CFI: variants seen among roughly 807,000 people sequenced by gnomAD.
The protein encoded by CFI is complement factor I.
CFI carries 66 observed loss-of-function variants against 78.8 expected under a neutral mutation model. The observed-to-expected ratio is 0.84, with a 90% confidence interval of 0.69 to 1.03. The LOEUF (loss-of-function observed/expected upper bound fraction) is 1.03. CFI is among the 50% of genes least tolerant of loss of function. The pLI is 0.00. For missense variants in CFI, 706 were observed against 704.5 expected (o/e 1.00, Z -0.02); for synonymous variants, 250 against 232.6 (o/e 1.07, Z -0.68).
chr4:109,759,856 A>G (rs1373602053), intron 6 of CFI, among the ~76,000 whole-genome samples: 1 of 152,152 alleles, frequency 6.6e-6, no homozygotes, highest in African/African-American at 2.4e-5. Context: ...ATTGTGCCAC[A>G]GCACTCCAGC....
intron 1 of CFI, among the ~76,000 whole-genome samples, chr4:109,778,869 A>T (rs1248449446): frequency 6.6e-6 from 1 of 152,246 alleles, no homozygotes; most frequent in African/African-American, 2.4e-5. Flanking sequence ...AAACAGAACC[A>T]AAGACAAAAA....
intron 1 of CFI, among the ~76,000 whole-genome samples, chr4:109,792,790 C>A (rs1579314767): frequency 6.6e-6 from 1 of 152,048 alleles, no homozygotes; most frequent in Non-Finnish European, 1.5e-5. Context: ...TTAGTATAGC[C>A]ACTTTAGCTC....
At chr4:109,761,442 T>C in intron 4 of CFI, 75 bp downstream of exon 4, 1 of 1,412,794 alleles carries the variant, frequency 7.1e-7, no homozygotes, top group East Asian at 2.3e-5. Context: ...GCATCAATCA[T>C]TTGTTTACTA....
rs746081841 is a variant in CFI, at chr4:109,746,401, A to G, written c.1250T>C (p.Phe417Ser). The G allele has an allele frequency of 6.2e-7, 1 of 1,614,136 alleles. No homozygotes were observed. The highest frequency in any genetic ancestry group is 1.1e-5 in the South Asian group (1 of 91,082). ...IVIEYVDRIIFHENYNAGTYQ... is the reference protein window; with the variant it reads ...IVIEYVDRIISHENYNAGTYQ... Reference sequence around the variant, plus strand: ...AGTGCCTGCATTGTAGTTTTCATGGAAAATAATTCTATCCACGTATTCAAT... The same window carrying G: ...AGTGCCTGCATTGTAGTTTTCATGGGAAATAATTCTATCCACGTATTCAAT... The change falls in exon 11 of 13, where the codon TTC becomes TCC. Residue 417 changes from phenylalanine to serine, a missense_variant. Phe to Ser is a radical substitution (Grantham distance 155). Coordinates refer to ENST00000394634, the MANE Select transcript of CFI (RefSeq NM_000204.5).
chr4:109,778,346 T>C (rs1729552748), intron 1 of CFI, among the ~76,000 whole-genome samples: 1 of 152,152 alleles, frequency 6.6e-6, no homozygotes, highest in Non-Finnish European at 1.5e-5. Context: ...GAGAATACTA[T>C]AAACACCTCT....
chr4:109,772,581 G>GT (rs35970339), intron 1 of CFI, among the ~76,000 whole-genome samples: 49,321 of 146,238 alleles, frequency 0.34, 8,406 homozygotes, highest in Middle Eastern at 0.43. Flanking sequence ...GAATTTGATC[G>GT]TTTTTTTTTT....
intron 1 of CFI, among the ~76,000 whole-genome samples, chr4:109,780,153 A>G (rs1189141432): frequency 6.6e-6 from 1 of 152,150 alleles, no homozygotes; most frequent in Non-Finnish European, 1.5e-5. Context: ...AATGGGATCT[A>G]ATTAAATTAA....
At chr4:109,770,055 T>C (rs1405388085) in intron 1 of CFI, among the ~76,000 whole-genome samples, 1 of 151,900 alleles carries the variant, frequency 6.6e-6, no homozygotes, top group Admixed American at 6.6e-5. Flanking sequence ...AGGTGGGAGA[T>C]GGAAGGGAAA....
downstream of CFI, chr4:109,740,655 T>G (rs1723671797): frequency 1.9e-6 from 1 of 531,152 alleles, no homozygotes; most frequent in East Asian, 3.7e-5. Flanking sequence ...CACTCCCGCA[T>G]TGAGATAATT....
At chr4:109,774,034 A>C (rs1391963398) in intron 1 of CFI, among the ~76,000 whole-genome samples, 1 of 152,336 alleles carries the variant, frequency 6.6e-6, no homozygotes, top group East Asian at 1.9e-4. Flanking sequence ...AATATCAGAA[A>C]TTTTATTGAT....
chr4:109,752,652 T>C (rs972343186), intron 7 of CFI, 149 bp from the exon 8 acceptor site: 6 of 673,466 alleles, frequency 8.9e-6, no homozygotes, highest in African/African-American at 3.7e-5. Flanking sequence ...CCAAGGCATG[T>C]CATCTTATTT....
the CFI span, among the ~76,000 whole-genome samples, chr4:109,733,342 A>G: frequency 2.0e-5 from 3 of 152,216 alleles, no homozygotes; most frequent in Non-Finnish European, 4.4e-5. Flanking sequence ...CTGTTTGAAA[A>G]GAGCCTTCTT....
At chr4:109,739,451 C>T (rs1354783195), downstream of CFI, among the ~76,000 whole-genome samples, 1 of 151,958 alleles carries the variant, frequency 6.6e-6, no homozygotes, top group Non-Finnish European at 1.5e-5. Context: ...AAACAGAATA[C>T]ACTGGGGGAA....
At chr4:109,763,897 A>T (rs1727390218) in intron 3 of CFI, among the ~76,000 whole-genome samples, 1 of 150,900 alleles carries the variant, frequency 6.6e-6, no homozygotes, top group Non-Finnish European at 1.5e-5. Flanking sequence ...TCTAAATTAC[A>T]TATGGGGCAA....
At chr4:109,800,490 C>T (rs886168328) in intron 1 of CFI, among the ~76,000 whole-genome samples, 4 of 151,854 alleles carry the variant, frequency 2.6e-5, no homozygotes, top group African/African-American at 7.3e-5. Flanking sequence ...AACCCCCACA[C>T]CTAGTCAGCT....
At chr4:109,798,258 T>C (rs1052253128) in intron 1 of CFI, among the ~76,000 whole-genome samples, 6 of 152,176 alleles carry the variant, frequency 3.9e-5, no homozygotes, top group African/African-American at 1.4e-4. Context: ...ATAGTGCCTA[T>C]TGTTCATAAT....
chr4:109,798,945 C>G (rs1194391887), intron 1 of CFI, among the ~76,000 whole-genome samples: 3 of 152,046 alleles, frequency 2.0e-5, no homozygotes, highest in Non-Finnish European at 4.4e-5. Flanking sequence ...CTCAAAATCT[C>G]TCCCAGTCTT....
the CFI span, among the ~76,000 whole-genome samples, chr4:109,733,163 G>T: frequency 6.6e-6 from 1 of 152,024 alleles, no homozygotes; most frequent in East Asian, 1.9e-4. Flanking sequence ...AGTAGCAATG[G>T]GGTTTCACCA....
chr4:109,756,888 G>A (rs574271351), intron 7 of CFI, among the ~76,000 whole-genome samples: 1 of 57,862 alleles, frequency 1.7e-5, no homozygotes, highest in Non-Finnish European at 3.2e-5. Context: ...AAGAAAGAAA[G>A]GAAAGAAAGA....
Sources: allele counts gnomAD v4.1 joint callset (sites outside exome capture counted in the v4.1 genomes callset), GRCh38; gene constraint gnomAD v4.1.1; transcripts MANE v1.5; gene names NCBI Gene and HGNC (gene_info 2026-07-23, HGNC 2026-07-21).